RIN3: variants seen among roughly 807,000 people sequenced by gnomAD.
RIN3 encodes the protein Ras and Rab interactor 3, also known as RAB5 interacting protein 3.
In RIN3, 54 loss-of-function variants were observed where a neutral mutation model predicts 76.3. That is an observed-to-expected ratio of 0.71 (90% CI 0.57 to 0.89). The LOEUF (loss-of-function observed/expected upper bound fraction) is 0.89, where lower values mean the gene tolerates loss of function less well. RIN3 is among the 40% of genes least tolerant of loss of function. The pLI, the probability that RIN3 is intolerant of heterozygous loss-of-function variation, is 0.00. For synonymous variants in RIN3, 576 were observed against 564.0 expected, an observed-to-expected ratio of 1.02 and a Z score of -0.30; for missense variants, 1,256 against 1,322.1, an observed-to-expected ratio of 0.95 and a Z score of 0.78.
intron 1 of RIN3, among the ~76,000 whole-genome samples, chr14:92,546,293 A>G (rs1238240727): frequency 6.6e-6 from 1 of 152,210 alleles, no homozygotes; most frequent in Non-Finnish European, 1.5e-5. Context: ...ATCTTCTGAC[A>G]CATTCATGTA....
chr14:92,542,321 A>G (rs1277615071), intron 1 of RIN3, among the ~76,000 whole-genome samples: 1 of 152,186 alleles, frequency 6.6e-6, no homozygotes, highest in African/African-American at 2.4e-5. Flanking sequence ...CAGATGCTCA[A>G]TATCAATAGC....
rs981793920 is a variant in RIN3, at chr14:92,544,951, T to C, written c.45-10800T>C. Among the ~76,000 whole-genome samples, 5 of 152,302 alleles carry C rather than the reference T, an allele frequency of 3.3e-5. No homozygotes were observed. The East Asian group carries it at 7.7e-4, about 23-fold the overall frequency. On this transcript the variant is annotated intron_variant, in intron 1 of 9. Coordinates refer to ENST00000216487, the MANE Select transcript of RIN3 (RefSeq NM_024832.5). ...CATCTTCCTGAGTTTGGTGTGTGCA[T>C]GTATCCACAAACAGGTATAGAACTG...
At chr14:92,540,090 A>G (rs546353814) in intron 1 of RIN3, among the ~76,000 whole-genome samples, 1 of 152,344 alleles carries the variant, frequency 6.6e-6, no homozygotes, top group East Asian at 1.9e-4. Flanking sequence ...GACGCACACT[A>G]AGTGACAGAA....
chr14:92,552,086 G>A (rs1487591217), intron 1 of RIN3, among the ~76,000 whole-genome samples: 1 of 152,208 alleles, frequency 6.6e-6, no homozygotes, highest in African/African-American at 2.4e-5. Context: ...GGTGTCTGGG[G>A]TTGAGGGGCA....
intron 6 of RIN3, among the ~76,000 whole-genome samples, chr14:92,653,361 G>A (rs1468291043): frequency 1.3e-5 from 2 of 152,162 alleles, no homozygotes; most frequent in Non-Finnish European, 2.9e-5. Context: ...TGCCATGGGG[G>A]ACAAAGACTG....
At chr14:92,657,103 A>T (rs560354779) in intron 6 of RIN3, among the ~76,000 whole-genome samples, 1 of 152,338 alleles carries the variant, frequency 6.6e-6, no homozygotes, top group South Asian at 2.1e-4. Flanking sequence ...TCACACCTGT[A>T]ATCCCAGCAC....
intron 1 of RIN3, chr14:92,515,118 T>C: frequency 3.1e-6 from 2 of 639,560 alleles, no homozygotes; most frequent in Non-Finnish European, 5.6e-6. Flanking sequence ...TAAGCTCATC[T>C]AGATCTGAAC....
chr14:92,596,650 A>G (rs1483750486), intron 3 of RIN3, among the ~76,000 whole-genome samples: 2 of 152,236 alleles, frequency 1.3e-5, no homozygotes, highest in Non-Finnish European at 2.9e-5. Context: ...AACAAAGAAC[A>G]TTGGAATTAC....
At chr14:92,666,925 C>T (rs1888125367) in intron 7 of RIN3, among the ~76,000 whole-genome samples, 1 of 152,196 alleles carries the variant, frequency 6.6e-6, no homozygotes, top group Non-Finnish European at 1.5e-5. Flanking sequence ...GGAAACAGGG[C>T]CTGGCTCCTA....
At chr14:92,521,253 GCATC>G (rs202125536) in intron 1 of RIN3, among the ~76,000 whole-genome samples, 1 of 151,228 alleles carries the variant, frequency 6.6e-6, no homozygotes, top group East Asian at 1.9e-4. Context: ...ATCCATCCAT[GCATC>G]CATCCATCCA....
intron 1 of RIN3, among the ~76,000 whole-genome samples, chr14:92,520,832 T>C (rs1896578966): frequency 6.6e-6 from 1 of 152,174 alleles, no homozygotes; most frequent in African/African-American, 2.4e-5. Flanking sequence ...TCCCCTAACC[T>C]CCATGTTCCC....
rs1204447061 is a variant in RIN3 at position 92,514,656 on chromosome 14, G to C, written c.44+680G>C. Among the ~76,000 whole-genome samples the C allele has an allele frequency of 6.6e-6, 1 of 152,222 alleles. No homozygotes were observed. The highest frequency in any genetic ancestry group is 1.5e-5 in the Non-Finnish European group (1 of 68,034). ...GTGGATGCATGACGCCGAATGGTTT[G>C]GGAACTGACTTGGAGAGGAGTCCCC... On this transcript the variant is annotated intron_variant, in intron 1 of 9. Transcript: ENST00000216487. This position sits in a 1 kb window ranked among gnomAD's most constrained non-coding sequence, Gnocchi z 7.2.
At chr14:92,598,162 T>C (rs1047077152) in intron 3 of RIN3, among the ~76,000 whole-genome samples, 3 of 152,176 alleles carry the variant, frequency 2.0e-5, no homozygotes, top group African/African-American at 7.2e-5. Flanking sequence ...AGCTCTGAGT[T>C]GTCATGTAAG....
At position 92,638,313 on chromosome 14, in the gene RIN3, A is replaced by G. The variant is rs76401658; in HGVS notation, c.441-2925A>G. Reference sequence around the variant, plus strand: ...CACCCACTAGAGGAAGATAAGCGTGATCATTTGGGAGCCAGCAGGAGTCCC... The same window carrying G: ...CACCCACTAGAGGAAGATAAGCGTGGTCATTTGGGAGCCAGCAGGAGTCCC... On this transcript the variant is annotated intron_variant, in intron 4 of 9. Transcript: ENST00000216487. 3.3e-3 allele frequency among the ~76,000 whole-genome samples: 500 copies of G among 152,340 alleles called. 9 individuals carry two copies. The East Asian group carries it at 0.041, about 12-fold the overall frequency.
At chr14:92,673,093 C>T (rs886552278) in intron 7 of RIN3, among the ~76,000 whole-genome samples, 1 of 151,068 alleles carries the variant, frequency 6.6e-6, no homozygotes, top group African/African-American at 2.4e-5. Flanking sequence ...CCAGCCTGGG[C>T]AACACGGCAA....
At chr14:92,632,080 G>A (rs376928457) in intron 4 of RIN3, among the ~76,000 whole-genome samples, 1 of 152,154 alleles carries the variant, frequency 6.6e-6, no homozygotes, top group African/African-American at 2.4e-5. Context: ...GTGAGGGTGC[G>A]ACTGCAGGGT....
chr14:92,528,266 G>C (rs1896797952), intron 1 of RIN3, among the ~76,000 whole-genome samples: 1 of 152,124 alleles, frequency 6.6e-6, no homozygotes, highest in Non-Finnish European at 1.5e-5. Context: ...CTAGGGAGAT[G>C]GCCATCGTGG....
chr14:92,544,957 C>CAGA (rs1897223400), intron 1 of RIN3, among the ~76,000 whole-genome samples: 3 of 152,026 alleles, frequency 2.0e-5, no homozygotes, highest in African/African-American at 7.3e-5. Context: ...TGCATGTATC[C>CAGA]ACAAACAGGT....
intron 3 of RIN3, among the ~76,000 whole-genome samples, chr14:92,609,255 G>C (rs1885634776): frequency 6.6e-6 from 1 of 152,172 alleles, no homozygotes; most frequent in African/African-American, 2.4e-5. Context: ...CAGGGGCTGG[G>C]CTGGCATGTG....
Sources: allele counts gnomAD v4.1 joint callset (sites outside exome capture counted in the v4.1 genomes callset), GRCh38; gene constraint gnomAD v4.1.1; non-coding constraint Gnocchi (gnomAD v3.1); transcripts MANE v1.5; gene names NCBI Gene and HGNC (gene_info 2026-07-23, HGNC 2026-07-21).